DCC: variants seen among roughly 807,000 people sequenced by gnomAD.
The protein encoded by DCC is netrin receptor DCC.
In DCC, 58 loss-of-function variants were observed where a neutral mutation model predicts 172.5. The observed-to-expected ratio is 0.34, with a 90% confidence interval of 0.27 to 0.42. The LOEUF is 0.42. DCC is among the 10% of genes least tolerant of loss of function. DCC has a pLI of 1.00. For synonymous variants in DCC, 709 were observed against 644.5 expected, an observed-to-expected ratio of 1.10 and a Z score of -1.52; for missense variants, 1,740 against 1,791.0, an observed-to-expected ratio of 0.97 and a Z score of 0.51.
intron 2 of DCC, among the ~76,000 whole-genome samples, chr18:52,816,204 AC>A (rs1347903448): frequency 6.6e-6 from 1 of 152,248 alleles, no homozygotes; most frequent in Non-Finnish European, 1.5e-5. Flanking sequence ...GTAGTGAATG[AC>A]AAAAATGCTG....
intron 2 of DCC, among the ~76,000 whole-genome samples, chr18:52,872,152 C>T (rs950914376): frequency 5.9e-5 from 9 of 152,194 alleles, no homozygotes; most frequent in East Asian, 1.9e-4. Context: ...GGATTATCCC[C>T]GCTCCCCAAT....
intron 5 of DCC, among the ~76,000 whole-genome samples, chr18:52,958,450 T>TA (rs1188619052): frequency 6.6e-6 from 1 of 152,094 alleles, no homozygotes; most frequent in Non-Finnish European, 1.5e-5. Flanking sequence ...TAAAGCAGAA[T>TA]AAAAAATAGC....
intron 5 of DCC, among the ~76,000 whole-genome samples, chr18:52,965,583 T>C (rs2040916148): frequency 6.6e-6 from 1 of 152,168 alleles, no homozygotes; most frequent in Non-Finnish European, 1.5e-5. Flanking sequence ...AATTTTTGTG[T>C]TTTTTTCTTT....
intron 1 of DCC, among the ~76,000 whole-genome samples, chr18:52,652,153 G>C (rs2035144628): frequency 6.6e-6 from 1 of 152,014 alleles, no homozygotes; most frequent in Non-Finnish European, 1.5e-5. Flanking sequence ...AGTCAATGGA[G>C]AGTTTTTATC....
At chr18:52,570,033 T>C (rs1303160735) in intron 1 of DCC, among the ~76,000 whole-genome samples, 1 of 152,188 alleles carries the variant, frequency 6.6e-6, no homozygotes, top group Non-Finnish European at 1.5e-5. Context: ...CTAGTATGAG[T>C]GAACTAGTTA....
chr18:53,294,554 T>C (rs143598162), intron 12 of DCC, among the ~76,000 whole-genome samples: 25 of 152,314 alleles, frequency 1.6e-4, no homozygotes, highest in Middle Eastern at 6.8e-3. Flanking sequence ...AAGGGAAGTC[T>C]GCCAGCCTCT....
intron 5 of DCC, among the ~76,000 whole-genome samples, chr18:52,962,298 A>G (rs2040854729): frequency 6.6e-6 from 1 of 152,082 alleles, no homozygotes; most frequent in South Asian, 2.1e-4. Flanking sequence ...GGCAAAGGAT[A>G]TGAACAGACA....
At chr18:53,419,766 A>C (rs986626587) in intron 21 of DCC, among the ~76,000 whole-genome samples, 1 of 152,140 alleles carries the variant, frequency 6.6e-6, no homozygotes, top group Non-Finnish European at 1.5e-5. Flanking sequence ...TGTCTATTGA[A>C]ACACAGCTAG....
chr18:53,149,075 C>T (rs941886205), intron 7 of DCC, among the ~76,000 whole-genome samples: 19 of 151,772 alleles, frequency 1.3e-4, no homozygotes, highest in Non-Finnish European at 1.5e-4. Flanking sequence ...CTTGGCCAGG[C>T]TAGTCTTGAA....
Position 52,887,029 on chromosome 18 carries a change from T to C in DCC, c.413-19015T>C, listed in dbSNP as rs150920841. ...ATAGCAGTGCCCTCCTAGGCTCTTC[T>C]AGGGTAATCTGAGCAGGAGCAGACT... On this transcript the variant is annotated intron_variant, in intron 2 of 28. Transcript: ENST00000442544. 3.1e-4 allele frequency among the ~76,000 whole-genome samples: 47 copies of C among 152,256 alleles called. No individual in the cohort carries two copies. In the East Asian group the frequency reaches 9.1e-3, roughly 29 times the overall value.
chr18:53,369,402 T>C (rs979055386), intron 15 of DCC, among the ~76,000 whole-genome samples: 3 of 151,946 alleles, frequency 2.0e-5, no homozygotes, highest in African/African-American at 7.2e-5. Context: ...TAGGGTTTTA[T>C]ATGCATAAGA....
intron 15 of DCC, among the ~76,000 whole-genome samples, chr18:53,356,911 T>G (rs532444146): frequency 6.6e-6 from 1 of 152,304 alleles, no homozygotes; most frequent in South Asian, 2.1e-4. Context: ...CTGGAAACTT[T>G]CCATATAATC....
intron 5 of DCC, among the ~76,000 whole-genome samples, chr18:53,040,024 G>A (rs894524887): frequency 1.4e-4 from 22 of 151,900 alleles, no homozygotes; most frequent in Admixed American, 9.2e-4. Flanking sequence ...AATGGCAGTC[G>A]GAGTAGAAAC....
intron 2 of DCC, among the ~76,000 whole-genome samples, chr18:52,900,144 T>C (rs1007695325): frequency 3.9e-5 from 6 of 152,196 alleles, no homozygotes; most frequent in African/African-American, 1.4e-4. Context: ...AAGTGAGAAT[T>C]CTGTTACTGC....
At chr18:52,818,592 A>G (rs1332810879) in intron 2 of DCC, among the ~76,000 whole-genome samples, 1 of 151,444 alleles carries the variant, frequency 6.6e-6, no homozygotes, top group Non-Finnish European at 1.5e-5. Context: ...ACTAAAAGAT[A>G]TAAAATTGAA....
chr18:52,995,377 C>A (rs139329211), intron 5 of DCC, among the ~76,000 whole-genome samples: 59 of 152,148 alleles, frequency 3.9e-4, no homozygotes, highest in Middle Eastern at 3.4e-3. Context: ...TACTAGCAGC[C>A]CCATAATCTT....
chr18:52,948,330 G>C (rs1334638390), intron 5 of DCC, among the ~76,000 whole-genome samples: 1 of 152,036 alleles, frequency 6.6e-6, no homozygotes, highest in East Asian at 1.9e-4. Context: ...GTGTGTGTGT[G>C]TGTGTCTTAT....
chr18:53,179,523 A>C (rs558885889), intron 9 of DCC, among the ~76,000 whole-genome samples: 1 of 152,346 alleles, frequency 6.6e-6, no homozygotes, highest in African/African-American at 2.4e-5. Flanking sequence ...AAATCCAGGG[A>C]CTAATTTAAA....
chr18:52,343,926 G>A (rs1020851642), intron 1 of DCC, among the ~76,000 whole-genome samples: 1 of 116,066 alleles, frequency 8.6e-6, no homozygotes, highest in African/African-American at 3.4e-5. Flanking sequence ...TCCTCTGTGA[G>A]TGCCGCAGTA....
Sources: allele counts gnomAD v4.1 joint callset (sites outside exome capture counted in the v4.1 genomes callset), GRCh38; gene constraint gnomAD v4.1.1; transcripts MANE v1.5; gene names NCBI Gene and HGNC (gene_info 2026-07-23, HGNC 2026-07-21).